Variants in SLC17A8 observed in about 807,000 individuals in gnomAD.
The protein encoded by SLC17A8 is vesicular glutamate transporter 3.
SLC17A8 carries 31 observed loss-of-function variants against 58.0 expected under a neutral mutation model. The ratio of observed to expected loss-of-function variants is 0.53; its 90% confidence interval spans 0.40 to 0.72. The LOEUF (loss-of-function observed/expected upper bound fraction) is 0.72. Among genes scored for constraint, SLC17A8 ranks in the 30% least tolerant of loss-of-function variants. The pLI, the probability that SLC17A8 is intolerant of heterozygous loss-of-function variation, is 0.00. For missense variants in SLC17A8, 655 were observed against 727.8 expected, an observed-to-expected ratio of 0.90 and a Z score of 1.15; for synonymous variants, 228 against 249.0, an observed-to-expected ratio of 0.92 and a Z score of 0.79.
At chr12:100,399,967 T>G (rs1952780201) in intron 5 of SLC17A8, among the ~76,000 whole-genome samples, 1 of 152,234 alleles carries the variant, frequency 6.6e-6, no homozygotes, top group African/African-American at 2.4e-5. Context: ...TCAGGCAATC[T>G]GCCTCCCCTC....
chr12:100,395,555 A>C (rs1952747190), intron 4 of SLC17A8, among the ~76,000 whole-genome samples: 3 of 151,706 alleles, frequency 2.0e-5, no homozygotes, highest in Admixed American at 1.3e-4. Flanking sequence ...CGAACTCCTG[A>C]CTTAGGTGAT....
rs550841635 is a variant in SLC17A8 at position 100,392,198 on chromosome 12, G to GT, written c.473+1089dup. On this transcript the variant is annotated intron_variant, in intron 3 of 11. Transcript: ENST00000323346. ...AAGTGCATTCCATTTTTAAAAAGTGGTTTTTTTTTTCAAATTCTAAAGCAC... is the reference window on the plus strand; with the variant it reads ...AAGTGCATTCCATTTTTAAAAAGTGGTTTTTTTTTTTCAAATTCTAAAGCAC... Among the ~76,000 whole-genome samples the GT allele has an allele frequency of 9.0e-3, 1,329 of 148,446 alleles. 10 individuals are homozygous for GT. The highest frequency in any genetic ancestry group is 0.028 in the Middle Eastern group (8 of 284).
rs1269472743 is a variant in SLC17A8 at position 100,383,704 on chromosome 12, G to A, written c.354+2751G>A. Reference sequence around the variant, plus strand: ...TATGAAGAGTGATTTTAACTAAAGCGTGAACACTTTTTTTTTTTTTTGAAA... The same window carrying A: ...TATGAAGAGTGATTTTAACTAAAGCATGAACACTTTTTTTTTTTTTTGAAA... On this transcript the variant is annotated intron_variant, in intron 2 of 11. Coordinates refer to ENST00000323346, the MANE Select transcript of SLC17A8 (RefSeq NM_139319.3). Among the ~76,000 whole-genome samples, 4 of 151,764 alleles carry A rather than the reference G, an allele frequency of 2.6e-5. No homozygotes were observed. The South Asian group carries it at 8.3e-4, about 31-fold the overall frequency.
At chr12:100,373,501 A>G (rs569085113) in intron 1 of SLC17A8, among the ~76,000 whole-genome samples, 2 of 151,704 alleles carry the variant, frequency 1.3e-5, no homozygotes, top group Non-Finnish European at 2.9e-5. Context: ...GATGCTGAAC[A>G]TGGAGAATAA....
At chr12:100,417,890 A>C in intron 10 of SLC17A8, 139 bp from the exon 11 acceptor site, 3 of 992,072 alleles carry the variant, frequency 3.0e-6, no homozygotes, top group Non-Finnish European at 4.7e-6. Context: ...TCTTGAACCC[A>C]GTCCTCTTGG....
At chr12:100,392,478 C>T (rs1952723791) in intron 3 of SLC17A8, among the ~76,000 whole-genome samples, 1 of 151,950 alleles carries the variant, frequency 6.6e-6, no homozygotes, top group Non-Finnish European at 1.5e-5. Flanking sequence ...ACCATAAGAT[C>T]TAAATAGGAA....
intron 1 of SLC17A8, among the ~76,000 whole-genome samples, chr12:100,379,195 G>A (rs1488679609): frequency 1.3e-5 from 2 of 151,726 alleles, no homozygotes; most frequent in African/African-American, 4.8e-5. Context: ...CCAGCACTTT[G>A]GGAGGCCAAG....
chr12:100,409,097 C>A (rs1235006750), intron 9 of SLC17A8, among the ~76,000 whole-genome samples: 1 of 152,024 alleles, frequency 6.6e-6, no homozygotes, highest in South Asian at 2.1e-4. Flanking sequence ...ATCTTATTTT[C>A]TTCTTTCTGG....
chr12:100,386,473 C>A (rs1217784663), intron 2 of SLC17A8, among the ~76,000 whole-genome samples: 1 of 152,044 alleles, frequency 6.6e-6, no homozygotes, highest in Non-Finnish European at 1.5e-5. Flanking sequence ...ATTTCCCCCT[C>A]CCCCAGCACC....
At position 100,421,793 on chromosome 12, in the gene SLC17A8, C is replaced by A. The variant is rs1332760067; in HGVS notation, c.*1634C>A. The A allele has an allele frequency of 6.8e-6, 1 of 147,204 alleles. No individual in the cohort carries two copies. The highest frequency in any genetic ancestry group is 1.5e-5 in the Non-Finnish European group (1 of 67,454). 9.1% of individuals were successfully genotyped at this position (147,204 alleles called of 1,614,324 possible). On this transcript the variant is annotated 3_prime_UTR_variant, in exon 12 of 12. Transcript: ENST00000323346. ...TTGCGATTCTTCATTAAATAATATT[C>A]TTTATGTCACTAGCATACAATTTAT...
Position 100,420,005 on chromosome 12 carries a change from T to A in SLC17A8, c.1616T>A (p.Phe539Tyr). 1 of 1,613,988 alleles carries A rather than the reference T, an allele frequency of 6.2e-7. No homozygotes were observed. The highest frequency in any genetic ancestry group is 8.5e-7 in the Non-Finnish European group (1 of 1,179,942). The change falls in exon 12 of 12, where the codon TTT (phenylalanine) becomes TAT (tyrosine). Residue 539 changes from phenylalanine (F) to tyrosine (Y), a missense_variant. By Grantham distance (22) the Phe-to-Tyr change is conservative. Transcript: ENST00000323346. ...GAGATAGAACTCAACCATGAGAGTT[T>A]TGCGAGTCCCAAAAAGAAGATGTCT... ...AEEIELNHES[F>Y]ASPKKKMSYG...
chr12:100,394,432 C>T (rs1351391486), intron 4 of SLC17A8, among the ~76,000 whole-genome samples: 2 of 135,224 alleles, frequency 1.5e-5, no homozygotes, highest in African/African-American at 2.8e-5. Flanking sequence ...GATAGAGTCT[C>T]GCTCTGTAGC....
intron 10 of SLC17A8, among the ~76,000 whole-genome samples, chr12:100,414,038 A>G (rs979857374): frequency 6.6e-6 from 1 of 152,218 alleles, no homozygotes; most frequent in East Asian, 1.9e-4. Context: ...AATTTCACAT[A>G]TATTGTATAT....
intron 9 of SLC17A8, among the ~76,000 whole-genome samples, chr12:100,405,793 A>G (rs1310987601): frequency 6.6e-6 from 1 of 152,148 alleles, no homozygotes; most frequent in Non-Finnish European, 1.5e-5. Flanking sequence ...GATACTTGAT[A>G]TTTGTGTTGT....
chr12:100,418,175 GC>G lies in SLC17A8; in HGVS notation c.1425+20del. 6.2e-7 allele frequency: 1 copy of G among 1,613,606 alleles called. No individual in the cohort carries two copies. The highest frequency in any genetic ancestry group is 8.5e-7 in the Non-Finnish European group (1 of 1,179,854). On this transcript the variant is annotated intron_variant, in intron 11 of 11. Coordinates refer to ENST00000323346, the MANE Select transcript of SLC17A8 (RefSeq NM_139319.3). Reference sequence around the variant, plus strand: ...GCACAAGGTAAAGGTCTCCTTTGTGGCTATGGGTTACAATATCAGAGGACTG... The same window carrying G: ...GCACAAGGTAAAGGTCTCCTTTGTGGTATGGGTTACAATATCAGAGGACTG...
intron 9 of SLC17A8, among the ~76,000 whole-genome samples, chr12:100,404,605 T>C (rs1047249380): frequency 7.2e-5 from 11 of 152,080 alleles, no homozygotes; most frequent in Non-Finnish European, 1.2e-4. Flanking sequence ...GAATGTTAGG[T>C]GATTTCCCAA....
chr12:100,418,203 A>C, intron 11 of SLC17A8, 47 bp downstream of exon 11: 2 of 1,612,598 alleles, frequency 1.2e-6, no homozygotes, highest in Non-Finnish European at 1.7e-6. Context: ...AGAGGACTGG[A>C]GCTCTACACA....
At chr12:100,410,452 G>A (rs925145864) in intron 9 of SLC17A8, among the ~76,000 whole-genome samples, 3 of 149,438 alleles carry the variant, frequency 2.0e-5, no homozygotes, top group Non-Finnish European at 4.4e-5. Flanking sequence ...CCAAGATCAC[G>A]CTGCTGCCCT....
chr12:100,359,099 C>T (rs796875176), intron 1 of SLC17A8, among the ~76,000 whole-genome samples: 7 of 152,190 alleles, frequency 4.6e-5, no homozygotes, highest in African/African-American at 1.7e-4. Flanking sequence ...TGCGTCTCTG[C>T]ACTCCAGCTA....
Sources: allele counts gnomAD v4.1 joint callset (sites outside exome capture counted in the v4.1 genomes callset), GRCh38; gene constraint gnomAD v4.1.1; transcripts MANE v1.5; gene names NCBI Gene and HGNC (gene_info 2026-07-23, HGNC 2026-07-21).